ITGB5: variants seen among roughly 807,000 people sequenced by gnomAD.
ITGB5 encodes the protein integrin beta-5.
ITGB5 carries 38 observed loss-of-function variants against 84.8 expected under a neutral mutation model. The ratio of observed to expected loss-of-function variants is 0.45; its 90% CI spans 0.35 to 0.59. The LOEUF (loss-of-function observed/expected upper bound fraction) is 0.59. Among genes scored for constraint, ITGB5 ranks in the 20% least tolerant of loss-of-function variants. ITGB5 has a pLI of 0.01. For synonymous variants in ITGB5, 393 were observed against 414.4 expected (o/e 0.95, Z 0.63); for missense variants, 905 against 1,034.5 (o/e 0.87, Z 1.72).
Position 124,773,677 on chromosome 3 carries a change from G to A in ITGB5, c.1916+13C>T. The A allele has an allele frequency of 6.2e-7, 1 of 1,610,276 alleles. No individual in the cohort carries two copies. On this transcript the variant is annotated intron_variant, in intron 11 of 14. Transcript: ENST00000296181. The stretch of plus-strand genomic sequence containing the variant: ...GGTGAGAAGTAAGGTGGGGCTGTCA[G>A]TGGAACCAGTACCTCTTGGTGCTGC...
At chr3:124,802,561 G>GCAGT (rs2064332319) in intron 9 of ITGB5, among the ~76,000 whole-genome samples, 1 of 152,246 alleles carries the variant, frequency 6.6e-6, no homozygotes, top group African/African-American at 2.4e-5. Context: ...GTATGCCTGT[G>GCAGT]CAGTCACAAG....
chr3:124,865,475 T>C (rs1004007000), intron 2 of ITGB5, among the ~76,000 whole-genome samples: 36 of 74,166 alleles, frequency 4.9e-4, no homozygotes, highest in African/African-American at 2.0e-3. Flanking sequence ...CCTTTGCGGC[T>C]TTTTTCTTTT....
At chr3:124,894,235 C>A (rs1935057039) in intron 1 of ITGB5, among the ~76,000 whole-genome samples, 1 of 150,450 alleles carries the variant, frequency 6.6e-6, no homozygotes, top group Non-Finnish European at 1.5e-5. Flanking sequence ...CAGGTTCATG[C>A]CATTCTCCTA....
At chr3:124,817,429 TC>T (rs1440733834) in intron 8 of ITGB5, among the ~76,000 whole-genome samples, 191 bp downstream of exon 8, 2 of 152,080 alleles carry the variant, frequency 1.3e-5, no homozygotes, top group Admixed American at 1.3e-4. Context: ...GGGAGACTCA[TC>T]AAGCAAGGAT....
At chr3:124,879,033 T>C (rs1934457494) in intron 1 of ITGB5, among the ~76,000 whole-genome samples, 1 of 152,166 alleles carries the variant, frequency 6.6e-6, no homozygotes, top group Non-Finnish European at 1.5e-5. Context: ...AATATGTTCT[T>C]CCAAAATTCA....
chr3:124,869,143 C>T (rs1226919005), intron 2 of ITGB5, among the ~76,000 whole-genome samples: 1 of 152,184 alleles, frequency 6.6e-6, no homozygotes, highest in Non-Finnish European at 1.5e-5. Flanking sequence ...CTGGCCCTCA[C>T]CGGCTGTCTA....
chr3:124,852,733 G>A (rs2065174470), intron 3 of ITGB5, among the ~76,000 whole-genome samples: 1 of 152,096 alleles, frequency 6.6e-6, no homozygotes. Context: ...TGTCACCCAG[G>A]CTAGAGTACA....
chr3:124,795,300 C>A (rs2107513728), intron 10 of ITGB5, among the ~76,000 whole-genome samples: 1 of 152,100 alleles, frequency 6.6e-6, no homozygotes, highest in East Asian at 1.9e-4. Flanking sequence ...ACCAGCCTGG[C>A]CAACATGGTG....
At chr3:124,867,585 C>T (rs1295574637) in intron 2 of ITGB5, among the ~76,000 whole-genome samples, 1 of 152,212 alleles carries the variant, frequency 6.6e-6, no homozygotes, top group African/African-American at 2.4e-5. Context: ...GTACACCAAG[C>T]CCATTCTCCC....
chr3:124,821,167 T>A (rs2064695633), intron 6 of ITGB5, 146 bp downstream of exon 6: 3 of 850,230 alleles, frequency 3.5e-6, no homozygotes, highest in Non-Finnish European at 5.5e-6. Flanking sequence ...GAAGACTGAA[T>A]AATGAAACCC....
intron 1 of ITGB5, among the ~76,000 whole-genome samples, chr3:124,899,776 C>G (rs887666498): frequency 6.8e-6 from 1 of 147,682 alleles, no homozygotes; most frequent in African/African-American, 2.5e-5. Flanking sequence ...GTTGCTTGAG[C>G]CCAGGAGGTC....
chr3:124,763,707 T>C lies in ITGB5; in HGVS notation c.2316A>G (p.Pro772=). 1 of 1,604,264 alleles carries C rather than the reference T, an allele frequency of 6.2e-7. No individual in the cohort carries two copies. The part of the protein sequence containing the change: ...SRARYEMASN[P]LYRKPISTHT... Reference sequence around the variant, plus strand: ...GCGTGGAGATAGGCTTTCTGTATAATGGATTTGAAGCCTACAGAACACGGC... The same window carrying C: ...GCGTGGAGATAGGCTTTCTGTATAACGGATTTGAAGCCTACAGAACACGGC... The change falls in exon 15 of 15, where the codon CCA becomes CCG. Residue 772 remains proline, a synonymous_variant. Coordinates refer to ENST00000296181, the MANE Select transcript of ITGB5 (RefSeq NM_002213.5).
chr3:124,836,036 G>T (rs2064930847), intron 5 of ITGB5, among the ~76,000 whole-genome samples: 1 of 152,148 alleles, frequency 6.6e-6, no homozygotes, highest in South Asian at 2.1e-4. Flanking sequence ...CAGATGGAAG[G>T]CAACCTGGAG....
chr3:124,875,727 T>C (rs980032821), intron 1 of ITGB5, among the ~76,000 whole-genome samples: 2 of 152,154 alleles, frequency 1.3e-5, no homozygotes, highest in African/African-American at 4.8e-5. Flanking sequence ...GCACTATTCA[T>C]AACAGCCAAG....
intron 10 of ITGB5, among the ~76,000 whole-genome samples, chr3:124,776,178 C>G (rs1162027175): frequency 6.6e-6 from 1 of 152,200 alleles, no homozygotes; most frequent in Non-Finnish European, 1.5e-5. Flanking sequence ...GGTTCCATAG[C>G]AGAGGCTGGG....
chr3:124,766,619 A>G (rs1275734580), intron 12 of ITGB5, among the ~76,000 whole-genome samples: 1 of 152,204 alleles, frequency 6.6e-6, no homozygotes, highest in African/African-American at 2.4e-5. Flanking sequence ...GATGTGAAAT[A>G]ACAGAAGGTT....
chr3:124,887,667 G>T (rs1438235202), upstream of ITGB5: 2 of 449,066 alleles, frequency 4.5e-6, no homozygotes, highest in African/African-American at 4.0e-5. Flanking sequence ...CCGTCGCCAC[G>T]GGAAAGGGGC....
intron 12 of ITGB5, among the ~76,000 whole-genome samples, chr3:124,767,850 C>T (rs574351414): frequency 2.6e-5 from 4 of 152,256 alleles, no homozygotes; most frequent in South Asian, 2.1e-4. Context: ...GGCAGGTGGA[C>T]TGCTTGACCC....
intron 11 of ITGB5, among the ~76,000 whole-genome samples, chr3:124,772,911 C>CTTTTTTT (rs35802279): frequency 3.9e-5 from 5 of 127,330 alleles, no homozygotes; most frequent in African/African-American, 5.8e-5. Context: ...CTCCAATTTA[C>CTTTTTTT]TTTTTTTTTT....
Sources: gnomAD v4.1 joint callset for allele counts (sites outside exome capture counted in the v4.1 genomes callset) on GRCh38, gnomAD v4.1.1 for gene constraint, MANE v1.5 for transcripts, NCBI Gene and HGNC (gene_info 2026-07-23, HGNC 2026-07-21) for gene names.